Variants in CACNA2D3 observed in about 807,000 individuals in gnomAD.
CACNA2D3 encodes calcium voltage-gated channel auxiliary subunit alpha2delta 3, also known as voltage-dependent calcium channel subunit alpha-2/delta-3.
Under a neutral mutation model 160.6 loss-of-function variants are expected in CACNA2D3, and 60 were observed. That is an observed-to-expected ratio of 0.37 (90% CI 0.30 to 0.46). CACNA2D3 has a LOEUF of 0.46. Among genes scored for constraint, CACNA2D3 ranks in the 20% least tolerant of loss-of-function variants. CACNA2D3 has a pLI of 1.00. For missense variants in CACNA2D3, 1,205 were observed against 1,365.0 expected, an observed-to-expected ratio of 0.88 and a Z score of 1.85; for synonymous variants, 558 against 492.9, an observed-to-expected ratio of 1.13 and a Z score of -1.75.
intron 13 of CACNA2D3, among the ~76,000 whole-genome samples, chr3:54,787,967 G>A (rs1007550301): frequency 5.9e-5 from 9 of 152,124 alleles, no homozygotes; most frequent in African/African-American, 2.2e-4. Context: ...TTTTGGGGTG[G>A]CATATTCTGA....
intron 2 of CACNA2D3, among the ~76,000 whole-genome samples, chr3:54,286,305 G>A (rs529516786): frequency 1.4e-4 from 21 of 152,284 alleles, no homozygotes; most frequent in African/African-American, 4.1e-4. Context: ...GAGCGGATGC[G>A]ATCAACTGGA....
At chr3:54,774,105 G>A (rs889117019) in intron 13 of CACNA2D3, among the ~76,000 whole-genome samples, 9 of 152,160 alleles carry the variant, frequency 5.9e-5, no homozygotes, top group Non-Finnish European at 1.0e-4. Flanking sequence ...CCAGTGCAAA[G>A]TGGGAATGGT....
intron 11 of CACNA2D3, among the ~76,000 whole-genome samples, chr3:54,740,545 A>C (rs1165408891): frequency 1.3e-5 from 2 of 152,136 alleles, no homozygotes; most frequent in African/African-American, 4.8e-5. Flanking sequence ...CGTACAGATC[A>C]CCAAAAACCC....
chr3:55,004,816 A>G lies in CACNA2D3; in HGVS notation c.2744A>G (p.Asp915Gly). Reference sequence around the variant, plus strand: ...TGTAGAGCCAACAAGGAAAGCAGCGATGGCGCCCATGGCCTCCTGGATGTA... The same window carrying G: ...TGTAGAGCCAACAAGGAAAGCAGCGGTGGCGCCCATGGCCTCCTGGATGTA... ...AMCRANKESS[D>G]GAHGLLDPYN... Residue 915 changes from aspartate (D) to glycine (G), a missense_variant, in exon 32 of 38, where the codon GAT becomes GGT. Physicochemically the swap from Asp to Gly is moderately conservative, Grantham distance 94. This residue lies in a region of CACNA2D3 where 911 missense variants were observed against 1,002.2 expected (regional missense o/e 0.91). Coordinates refer to ENST00000474759, the MANE Select transcript of CACNA2D3 (RefSeq NM_018398.3). The G allele has an allele frequency of 6.2e-7, 1 of 1,613,502 alleles. No homozygotes were observed.
chr3:55,053,182 A>G (rs1311180049), intron 35 of CACNA2D3, among the ~76,000 whole-genome samples: 1 of 151,958 alleles, frequency 6.6e-6, no homozygotes, highest in Non-Finnish European at 1.5e-5. Flanking sequence ...TCCCCAAGTT[A>G]CTACTGATTT....
chr3:54,859,734 G>C (rs1226143542), intron 17 of CACNA2D3, among the ~76,000 whole-genome samples: 2 of 152,064 alleles, frequency 1.3e-5, no homozygotes, highest in African/African-American at 2.4e-5. Context: ...CAACCTGGTA[G>C]CCTCTGGGTT....
chr3:54,489,743 G>A (rs555047080), intron 4 of CACNA2D3, among the ~76,000 whole-genome samples: 1 of 152,348 alleles, frequency 6.6e-6, no homozygotes, highest in Admixed American at 6.5e-5. Flanking sequence ...GCCTTCATAA[G>A]TGGCTTGTTA....
intron 13 of CACNA2D3, among the ~76,000 whole-genome samples, chr3:54,807,308 A>C (rs562556296): frequency 1.3e-5 from 2 of 152,116 alleles, no homozygotes; most frequent in African/African-American, 4.8e-5. Context: ...CTTCTCATCT[A>C]ACAAAGGGCT....
intron 11 of CACNA2D3, among the ~76,000 whole-genome samples, chr3:54,694,992 C>G (rs1700638077): frequency 6.6e-6 from 1 of 152,118 alleles, no homozygotes; most frequent in African/African-American, 2.4e-5. Flanking sequence ...TCTTCCCTAT[C>G]ATGTCATTAC....
At chr3:54,626,447 A>G in intron 9 of CACNA2D3, 1 of 1,595,132 alleles carries the variant, frequency 6.3e-7, no homozygotes. Flanking sequence ...GTGAAGACGC[A>G]CCTGCGTGAC....
chr3:54,572,784 G>A (rs1256638470), intron 8 of CACNA2D3, among the ~76,000 whole-genome samples: 1 of 152,182 alleles, frequency 6.6e-6, no homozygotes, highest in African/African-American at 2.4e-5. Context: ...TAGATAAGAA[G>A]CAGCTAATAT....
chr3:54,350,381 A>G (rs1698531444), intron 3 of CACNA2D3, among the ~76,000 whole-genome samples: 1 of 152,004 alleles, frequency 6.6e-6, no homozygotes, highest in Non-Finnish European at 1.5e-5. Context: ...ATTGCATTTT[A>G]GGTTCTATGC....
At chr3:54,850,536 T>C in intron 17 of CACNA2D3, among the ~76,000 whole-genome samples, 1 of 152,190 alleles carries the variant, frequency 6.6e-6, no homozygotes, top group Non-Finnish European at 1.5e-5. Context: ...CCTGAATAGA[T>C]CTCCTTTTCT....
At chr3:54,958,657 G>T (rs1480936311) in intron 27 of CACNA2D3, among the ~76,000 whole-genome samples, 1 of 152,160 alleles carries the variant, frequency 6.6e-6, no homozygotes, top group Non-Finnish European at 1.5e-5. Context: ...GTTGATGGAG[G>T]TGGCCTTGGT....
intron 9 of CACNA2D3, among the ~76,000 whole-genome samples, chr3:54,587,482 G>A (rs1477869732): frequency 2.0e-5 from 3 of 151,982 alleles, no homozygotes; most frequent in Non-Finnish European, 4.4e-5. Context: ...ACTTGAACCC[G>A]GGAGGCAGAG....
At chr3:54,900,462 C>T (rs1700301458) in intron 27 of CACNA2D3, among the ~76,000 whole-genome samples, 1 of 152,152 alleles carries the variant, frequency 6.6e-6, no homozygotes, top group African/African-American at 2.4e-5. Flanking sequence ...CAGCAGCTGT[C>T]TGTGGATGGC....
intron 4 of CACNA2D3, among the ~76,000 whole-genome samples, chr3:54,403,119 GGGAGAT>G (rs1313674925): frequency 2.6e-5 from 4 of 152,056 alleles, no homozygotes; most frequent in African/African-American, 2.4e-5. Context: ...CCAGCACTTT[GGGAGAT>G]GGAGATGGAC....
intron 25 of CACNA2D3, chr3:54,894,637 G>A (rs1420732178): frequency 3.9e-6 from 2 of 514,154 alleles, no homozygotes; most frequent in Admixed American, 3.9e-5. Flanking sequence ...AACACCTTCT[G>A]CTCAGTCGTG....
chr3:54,599,569 G>A (rs762063400), intron 9 of CACNA2D3, among the ~76,000 whole-genome samples: 5 of 152,026 alleles, frequency 3.3e-5, no homozygotes, highest in Admixed American at 6.6e-5. Flanking sequence ...TTTCTTCCCG[G>A]TGCTTCACGT....
Sources: gnomAD v4.1 joint callset for allele counts (sites outside exome capture counted in the v4.1 genomes callset) on GRCh38, gnomAD v4.1.1 for gene constraint, gnomAD v4.1.1 regional missense constraint, MANE v1.5 for transcripts, NCBI Gene and HGNC (gene_info 2026-07-23, HGNC 2026-07-21) for gene names.